ARSJ: variants seen among roughly 807,000 people sequenced by gnomAD.
The protein encoded by ARSJ is arylsulfatase J.
In ARSJ, 26 loss-of-function variants were observed where a neutral mutation model predicts 35.9. The ratio of observed to expected loss-of-function variants is 0.72; its 90% CI spans 0.53 to 1.00. The LOEUF (loss-of-function observed/expected upper bound fraction) is 1.00. ARSJ is among the 50% of genes least tolerant of loss of function. The probability of loss-of-function intolerance (pLI) is 0.00; values close to 1 mark genes in which losing one functional copy is unlikely to be tolerated. For missense variants in ARSJ, 667 were observed against 723.6 expected (o/e 0.92, Z 0.90); for synonymous variants, 294 against 267.6 (o/e 1.10, Z -0.96).
intron 1 of ARSJ, among the ~76,000 whole-genome samples, chr4:113,967,996 C>G (rs1449655890): frequency 6.6e-6 from 1 of 152,162 alleles, no homozygotes; most frequent in Non-Finnish European, 1.5e-5. Flanking sequence ...TGAGAGTCTG[C>G]TTATCAGCAA....
intron 1 of ARSJ, among the ~76,000 whole-genome samples, chr4:113,926,043 G>C (rs978699539): frequency 6.6e-6 from 1 of 152,084 alleles, no homozygotes; most frequent in Non-Finnish European, 1.5e-5. Flanking sequence ...GGGATGGCTG[G>C]GGAAAGAGGC....
intron 1 of ARSJ, among the ~76,000 whole-genome samples, chr4:113,925,350 G>T (rs1723986598): frequency 3.3e-5 from 5 of 152,176 alleles, no homozygotes; most frequent in Admixed American, 2.6e-4. Flanking sequence ...ATCACTAGGG[G>T]TGATGGCGAA....
intron 1 of ARSJ, among the ~76,000 whole-genome samples, chr4:113,936,404 T>A (rs1249932979): frequency 2.6e-5 from 4 of 151,924 alleles, no homozygotes; most frequent in Non-Finnish European, 5.9e-5. Context: ...ATTTTGTTTA[T>A]AATTCATATT....
chr4:113,918,114 T>C (rs4466108), intron 1 of ARSJ, among the ~76,000 whole-genome samples: 107,713 of 152,072 alleles, frequency 0.71, 38,929 homozygotes, highest in East Asian at 0.81. Flanking sequence ...TTTGGTCAAC[T>C]CTTGATGCAG....
At chr4:113,940,912 T>C (rs771295639) in intron 1 of ARSJ, among the ~76,000 whole-genome samples, 1 of 151,930 alleles carries the variant, frequency 6.6e-6, no homozygotes, top group East Asian at 1.9e-4. Context: ...GTCTTAGAGG[T>C]CCTCTACACA....
At chr4:113,967,133 A>G (rs954522820) in intron 1 of ARSJ, among the ~76,000 whole-genome samples, 2 of 152,178 alleles carry the variant, frequency 1.3e-5, no homozygotes, top group Admixed American at 1.3e-4. Flanking sequence ...TAAAATGAAG[A>G]TTTTGAGAAA....
At chr4:113,944,974 C>T (rs1725383994) in intron 1 of ARSJ, among the ~76,000 whole-genome samples, 1 of 151,758 alleles carries the variant, frequency 6.6e-6, no homozygotes, top group African/African-American at 2.4e-5. Context: ...ATTGTTCTGG[C>T]CTTAATTAAT....
At chr4:113,953,994 C>G (rs1298878800) in intron 1 of ARSJ, among the ~76,000 whole-genome samples, 2 of 151,914 alleles carry the variant, frequency 1.3e-5, no homozygotes, top group Non-Finnish European at 2.9e-5. Flanking sequence ...AGCTAGAGTA[C>G]TATAGTAATA....
Position 113,901,354 on chromosome 4 carries a change from T to G in ARSJ, c.*920A>C, listed in dbSNP as rs994806605. On this transcript the variant is annotated 3_prime_UTR_variant, in exon 2 of 2. Coordinates refer to ENST00000315366, the MANE Select transcript of ARSJ (RefSeq NM_024590.4). ...GTTGAACAATGACGATTATAAAGTT[T>G]TCTGAATGATGTTTTTTATAGTCTG... The G allele has an allele frequency of 2.6e-5, 4 of 152,218 alleles. No homozygotes were observed. Among genetic ancestry groups the G allele is most frequent in the African/African-American group, 9.6e-5 (4 of 41,466 alleles). 9.4% of individuals were successfully genotyped at this position (152,218 alleles called of 1,614,324 possible).
At chr4:113,916,015 C>T (rs1173966072) in intron 1 of ARSJ, among the ~76,000 whole-genome samples, 1 of 152,216 alleles carries the variant, frequency 6.6e-6, no homozygotes, top group Admixed American at 6.5e-5. Context: ...TAGCAACTCT[C>T]TTATTTTCTG....
At chr4:113,940,392 G>C (rs1307495015) in intron 1 of ARSJ, among the ~76,000 whole-genome samples, 2 of 152,028 alleles carry the variant, frequency 1.3e-5, no homozygotes, top group Non-Finnish European at 2.9e-5. Flanking sequence ...TGCAGGGGCA[G>C]AAAACCAAAC....
intron 1 of ARSJ, among the ~76,000 whole-genome samples, chr4:113,923,697 T>C (rs1464164205): frequency 6.6e-6 from 1 of 152,030 alleles, no homozygotes; most frequent in Non-Finnish European, 1.5e-5. Context: ...GGAGAAGTGA[T>C]TTAACTAAAT....
At chr4:113,946,083 G>A (rs1399620182) in intron 1 of ARSJ, 1 of 151,884 alleles carries the variant, frequency 6.6e-6, no homozygotes, top group Admixed American at 6.6e-5. Context: ...TGGGATGTGA[G>A]TCACTTCTGT....
chr4:113,924,518 T>C (rs1426096116), intron 1 of ARSJ, among the ~76,000 whole-genome samples: 3 of 152,038 alleles, frequency 2.0e-5, no homozygotes, highest in Non-Finnish European at 4.4e-5. Context: ...CCACCCCTTG[T>C]CAACTTGAAC....
chr4:113,947,619 A>AGGG (rs1725580780), intron 1 of ARSJ, among the ~76,000 whole-genome samples: 1 of 128,816 alleles, frequency 7.8e-6, no homozygotes, highest in Non-Finnish European at 1.7e-5. Context: ...GGGAGGGAGG[A>AGGG]AGGAAGGGAA....
At chr4:113,924,378 G>A (rs1723921018) in intron 1 of ARSJ, among the ~76,000 whole-genome samples, 4 of 151,838 alleles carry the variant, frequency 2.6e-5, no homozygotes, top group Admixed American at 2.6e-4. Context: ...TTAAGGGTGG[G>A]TCGGTCTTTC....
intron 1 of ARSJ, among the ~76,000 whole-genome samples, chr4:113,930,372 G>A (rs1724357285): frequency 6.6e-6 from 1 of 152,052 alleles, no homozygotes; most frequent in South Asian, 2.1e-4. Context: ...TTTTCTGCCT[G>A]CTTTATATTT....
intron 1 of ARSJ, among the ~76,000 whole-genome samples, chr4:113,924,976 G>A (rs968977298): frequency 3.9e-5 from 6 of 152,056 alleles, no homozygotes; most frequent in African/African-American, 1.4e-4. Flanking sequence ...TGAAGGGTCT[G>A]GAACATTTGT....
At chr4:113,927,189 G>A (rs1425751854) in intron 1 of ARSJ, among the ~76,000 whole-genome samples, 1 of 152,148 alleles carries the variant, frequency 6.6e-6, no homozygotes, top group Non-Finnish European at 1.5e-5. Flanking sequence ...TTGGTTGTAG[G>A]AGGGGCCAAA....
Sources: gnomAD v4.1 joint callset for allele counts (sites outside exome capture counted in the v4.1 genomes callset) on GRCh38, gnomAD v4.1.1 for gene constraint, MANE v1.5 for transcripts, NCBI Gene and HGNC (gene_info 2026-07-23, HGNC 2026-07-21) for gene names.